LAMB3: variants seen among roughly 807,000 people sequenced by gnomAD.
The protein encoded by LAMB3 is laminin subunit beta 3.
In LAMB3, 104 loss-of-function variants were observed where a neutral mutation model predicts 140.3. The ratio of observed to expected loss-of-function variants is 0.74; its 90% CI spans 0.63 to 0.87. The LOEUF (loss-of-function observed/expected upper bound fraction) is 0.87, where lower values mean the gene tolerates loss of function less well. Among genes scored for constraint, LAMB3 ranks in the 40% least tolerant of loss-of-function variants. The pLI is 0.00. For missense variants in LAMB3, 1,531 were observed against 1,575.2 expected (o/e 0.97, Z 0.47); for synonymous variants, 592 against 602.9 (o/e 0.98, Z 0.26).
chr1:209,615,321 T>C lies in LAMB3; in HGVS notation c.3469A>G (p.Ile1157Val). Residue 1157 changes from isoleucine (I) to valine (V), a missense_variant, in exon 23 of 23, where the codon ATC becomes GTC. By Grantham distance (29) the Ile-to-Val change is conservative. Coordinates refer to ENST00000356082, the MANE Select transcript of LAMB3 (RefSeq NM_000228.3). Reference protein sequence around the residue: ...LTGLEKRVEQIRDHINGRVLY... With the variant: ...LTGLEKRVEQVRDHINGRVLY... ...ACGCGCCCATTGATGTGGTCACGGA[T>C]CTGCTCCACACGCTTCTCCAGTCCT... 6.2e-7 allele frequency: 1 copy of C among 1,614,098 alleles called. No homozygotes were observed.
intron 18 of LAMB3, among the ~76,000 whole-genome samples, chr1:209,619,035 C>G (rs539700173): frequency 6.6e-6 from 1 of 152,306 alleles, no homozygotes; most frequent in African/African-American, 2.4e-5. Flanking sequence ...GAAGAGTGGC[C>G]AGAAACTGGA....
At chr1:209,627,135 A>C (rs1266558210) in intron 12 of LAMB3, among the ~76,000 whole-genome samples, 157 bp from the exon 13 acceptor site, 1 of 152,218 alleles carries the variant, frequency 6.6e-6, no homozygotes, top group African/African-American at 2.4e-5. Flanking sequence ...GCTCCCACTC[A>C]GAGATGAGCC....
In LAMB3 at chr1:209,623,333, G is replaced by A; in HGVS notation, c.2359-154C>T. ...CATGAGAGCTAAGGACCAGAAACTG[G>A]TTTCCTTGGCAACCACTGAGCTCAC... On this transcript the variant is annotated intron_variant, in intron 16 of 22. Coordinates refer to ENST00000356082, the MANE Select transcript of LAMB3 (RefSeq NM_000228.3). This position sits in a 1 kb window ranked among gnomAD's most constrained non-coding sequence, Gnocchi z 4.2. The A allele has an allele frequency of 1.9e-6, 2 of 1,031,960 alleles. No individual in the cohort carries two copies. Among genetic ancestry groups the A allele is most frequent in the South Asian group, 1.3e-5 (1 of 74,144 alleles). The allele number at this position is 1,031,960 out of a possible 1,614,324, so 63.9% of individuals were successfully genotyped here.
Position 209,630,848 on chromosome 1 carries a change from C to T in LAMB3, c.823-113G>A, listed in dbSNP as rs573296602. The T allele has an allele frequency of 2.3e-4, 280 of 1,228,060 alleles. No individual in the cohort carries two copies. The African/African-American group carries it at 3.6e-3, about 16-fold the overall frequency. 76.1% of individuals were successfully genotyped at this position (1,228,060 alleles called of 1,614,324 possible). ...CACCACTCAGGATCTGGCTTAGATC[C>T]CAACCCTTCCAGGAAGCTTCCTCTG... is the stretch of plus-strand genomic sequence containing the variant. On this transcript the variant is annotated intron_variant, in intron 8 of 22. Transcript: ENST00000356082.
In LAMB3 at chr1:209,615,375, C is replaced by T. The variant is rs996598343; in HGVS notation, c.3415G>A (p.Ala1139Thr). Reference protein sequence around the residue: ...MELELLRGSQAIMLRSADLTG... With the variant: ...MELELLRGSQTIMLRSADLTG... The stretch of plus-strand genomic sequence containing the variant: ...AGGTCCGCTGAGCGCAGCATGATGG[C>T]CTGGCTGCCCCGCAGCAGCTCCAAC... The change falls in exon 23 of 23, where the codon GCC becomes ACC. Residue 1139 changes from alanine (A) to threonine (T), a missense_variant. Physicochemically the swap from Ala to Thr is moderately conservative, Grantham distance 58 (BLOSUM62 0). Transcript: ENST00000356082. The T allele has an allele frequency of 3.7e-6, 6 of 1,609,788 alleles. No homozygotes were observed. The African/African-American group carries it at 4.0e-5, about 11-fold the overall frequency.
intron 5 of LAMB3, among the ~76,000 whole-genome samples, chr1:209,636,200 G>T (rs185191096): frequency 6.6e-6 from 1 of 152,214 alleles, no homozygotes. Flanking sequence ...GTGAGACCAG[G>T]ATTTCTCAAC....
intron 3 of LAMB3, among the ~76,000 whole-genome samples, chr1:209,646,923 C>G (rs925371948): frequency 8.5e-5 from 13 of 152,176 alleles, no homozygotes; most frequent in African/African-American, 3.1e-4. Flanking sequence ...TCATCCATGC[C>G]TTGAGATTGA....
At chr1:209,643,703 C>T (rs577390184) in intron 3 of LAMB3, among the ~76,000 whole-genome samples, 3 of 152,054 alleles carry the variant, frequency 2.0e-5, no homozygotes, top group East Asian at 3.9e-4. Flanking sequence ...AAAACAGGCT[C>T]TGATTATGCA....
intron 3 of LAMB3, among the ~76,000 whole-genome samples, chr1:209,641,057 T>C (rs1248685923): frequency 2.2e-5 from 3 of 137,290 alleles, no homozygotes; most frequent in African/African-American, 8.4e-5. Flanking sequence ...CACTCCAGCC[T>C]GGGCAACAGA....
intron 22 of LAMB3, 133 bp from the exon 23 acceptor site, chr1:209,615,540 T>G: frequency 9.4e-7 from 1 of 1,064,210 alleles, no homozygotes; most frequent in South Asian, 1.9e-5. Flanking sequence ...ATCTGGCCTC[T>G]AAAGCAGTGG....
intron 1 of LAMB3, 144 bp from the exon 2 acceptor site, chr1:209,651,125 C>T (rs2076563288): frequency 8.8e-6 from 6 of 681,640 alleles, no homozygotes; most frequent in Non-Finnish European, 1.6e-5. Flanking sequence ...GCAGCAGATA[C>T]ATTTGTAGCT....
At chr1:209,646,356 AGC>A (rs779695651) in intron 3 of LAMB3, among the ~76,000 whole-genome samples, 6 of 152,214 alleles carry the variant, frequency 3.9e-5, no homozygotes, top group Non-Finnish European at 5.9e-5. Context: ...CTGAGTGGCC[AGC>A]GCTGAATAAA....
chr1:209,620,959 C>T (rs1412398435), intron 18 of LAMB3, among the ~76,000 whole-genome samples: 2 of 152,174 alleles, frequency 1.3e-5, no homozygotes, highest in Non-Finnish European at 2.9e-5. Context: ...AGTCCAAGCC[C>T]ACCGCTACAG....
chr1:209,618,498 C>A lies in LAMB3; in HGVS notation c.2863G>T (p.Asp955Tyr), dbSNP rs1006340782. 2.5e-6 allele frequency: 4 copies of A among 1,614,138 alleles called. No homozygotes were observed. In the African/African-American group the frequency reaches 4.0e-5, roughly 16 times the overall value. Reference sequence around the variant, plus strand: ...TGCAACCGGCGGGCACGCGCAATGTCCTGCTTGGTCTGGGACAGCACCAAG... The same window carrying A: ...TGCAACCGGCGGGCACGCGCAATGTACTGCTTGGTCTGGGACAGCACCAAG... ...VDLVLSQTKQ[D>Y]IARARRLQAE... Residue 955 changes from aspartate (D) to tyrosine (Y), a missense_variant, in exon 19 of 23, where the codon GAC becomes TAC. Asp to Tyr is a radical substitution (Grantham distance 160). Coordinates refer to ENST00000356082, the MANE Select transcript of LAMB3 (RefSeq NM_000228.3).
intron 6 of LAMB3, 105 bp downstream of exon 6, chr1:209,634,342 G>T: frequency 8.5e-7 from 1 of 1,175,068 alleles, no homozygotes; most frequent in South Asian, 1.3e-5. Flanking sequence ...AAGGGGAGCT[G>T]GCGAGGGTGT....
intron 7 of LAMB3, 31 bp downstream of exon 7, chr1:209,633,039 T>C (rs746465287): frequency 4.6e-6 from 7 of 1,513,148 alleles, no homozygotes; most frequent in South Asian, 1.1e-5. Context: ...CCACCCATAG[T>C]TCCATGGACA....
intron 5 of LAMB3, among the ~76,000 whole-genome samples, chr1:209,637,117 T>C (rs1306990386): frequency 1.3e-5 from 2 of 152,210 alleles, no homozygotes; most frequent in Admixed American, 6.5e-5. Flanking sequence ...CTTTAGAGAC[T>C]GGGCATTTAT....
intron 5 of LAMB3, among the ~76,000 whole-genome samples, chr1:209,637,661 T>C (rs931068692): frequency 2.6e-5 from 4 of 152,186 alleles, no homozygotes; most frequent in Non-Finnish European, 5.9e-5. Flanking sequence ...AGAGCTGAAT[T>C]AATTAGATGG....
chr1:209,638,047 C>A, intron 4 of LAMB3, 66 bp from the exon 5 acceptor site: 1 of 1,342,550 alleles, frequency 7.4e-7, no homozygotes, highest in South Asian at 1.2e-5. Flanking sequence ...TGAAGGAAGC[C>A]CTGGATTAGA....
Sources: allele counts gnomAD v4.1 joint callset (sites outside exome capture counted in the v4.1 genomes callset), GRCh38; gene constraint gnomAD v4.1.1; non-coding constraint Gnocchi (gnomAD v3.1); transcripts MANE v1.5; gene names NCBI Gene and HGNC (gene_info 2026-07-23, HGNC 2026-07-21).